NCOR1: variants seen among roughly 807,000 people sequenced by gnomAD.
NCOR1 encodes protein phosphatase 1, regulatory subunit 109.
NCOR1 carries 63 observed loss-of-function variants against 288.1 expected under a neutral mutation model. The ratio of observed to expected loss-of-function variants is 0.22; its 90% confidence interval spans 0.18 to 0.27. The LOEUF is 0.27. Ranked by LOEUF, NCOR1 falls within the 10% of genes least tolerant of loss-of-function variation. The pLI is 1.00. For missense variants in NCOR1, 2,397 were observed against 3,019.2 expected (o/e 0.79, Z 4.83); for synonymous variants, 1,007 against 1,065.9 (o/e 0.94, Z 1.08).
Position 16,034,767 on chromosome 17 carries a change from G to C in NCOR1, c.7133C>G (p.Thr2378Arg). 6.2e-7 allele frequency: 1 copy of C among 1,611,218 alleles called. No homozygotes were observed. Among genetic ancestry groups the C allele is most frequent in the Non-Finnish European group, 8.5e-7 (1 of 1,178,652 alleles). The stretch of plus-strand genomic sequence containing the variant: ...CTAAGTTAAAGCAGAATCCTTACCT[G>C]TTGAAGAGGGCCTGTCTTCCCAGGC... ...GWAWEDRPSS[T>R]GSTQFPYNPL... The change falls in exon 45 of 46, where the codon ACA (threonine) becomes AGA (arginine). Residue 2378 changes from threonine to arginine, a missense_variant and splice_region_variant. Around this residue, in one of 11 missense-constraint regions of NCOR1, gnomAD observed 1,872 missense variants for 2,187.8 expected, o/e 0.86. Coordinates refer to ENST00000268712, the MANE Select transcript of NCOR1 (RefSeq NM_006311.4).
chr17:16,185,915 C>A lies in NCOR1; in HGVS notation c.242+639G>T, dbSNP rs556101469. ...TCATGCCACTGCACTCCAGCCTGGG[C>A]AACAGAGCTAGAAAGATCCTGTCTC... On this transcript the variant is annotated intron_variant, in intron 3 of 45. Coordinates refer to ENST00000268712, the MANE Select transcript of NCOR1 (RefSeq NM_006311.4). Among the ~76,000 whole-genome samples the A allele has an allele frequency of 2.6e-5, 4 of 151,748 alleles. No homozygotes were observed. In the South Asian group the frequency reaches 8.3e-4, roughly 32 times the overall value.
chr17:16,125,302 GCAGTGAGCCAAGATTGCGC>G (rs1408778255), intron 15 of NCOR1, among the ~76,000 whole-genome samples: 1 of 152,180 alleles, frequency 6.6e-6, no homozygotes, highest in Admixed American at 6.5e-5. Context: ...GGCAGAGGTT[GCAGTGAGCCAAGATTGCGC>G]CACTGCACTC....
intron 42 of NCOR1, among the ~76,000 whole-genome samples, chr17:16,041,762 A>C (rs1344794915): frequency 7.0e-6 from 1 of 143,686 alleles, no homozygotes; most frequent in Admixed American, 7.1e-5. Context: ...TTTAAGACGG[A>C]GTCTCACTCT....
chr17:16,101,727 G>A lies in NCOR1; in HGVS notation c.2213C>T (p.Pro738Leu). 6.2e-7 allele frequency: 1 copy of A among 1,614,202 alleles called. No individual in the cohort carries two copies. Among genetic ancestry groups the A allele is most frequent in the Non-Finnish European group, 8.5e-7 (1 of 1,180,052 alleles). Reference sequence around the variant, plus strand: ...GTTTCCTCGAGAAGTAGCATTTTCAGGACTGTCCTCGCTGGGCTTGACAGC... The same window carrying A: ...GTTTCCTCGAGAAGTAGCATTTTCAAGACTGTCCTCGCTGGGCTTGACAGC... The part of the protein sequence containing the change: ...VEAVKPSEDS[P>L]ENATSRGNTE... Residue 738 changes from proline (P) to leucine (L), a missense_variant, in exon 20 of 46, where the codon CCT (proline) becomes CTT (leucine). Physicochemically the swap from Pro to Leu is moderately conservative, Grantham distance 98 (BLOSUM62 -3). Around this residue, in one of 11 missense-constraint regions of NCOR1, gnomAD observed 1,872 missense variants for 2,187.8 expected, o/e 0.86. Transcript: ENST00000268712.
intron 12 of NCOR1, 54 bp downstream of exon 12, chr17:16,138,954 T>G (rs995767904): frequency 6.7e-5 from 89 of 1,322,240 alleles, no homozygotes; most frequent in Non-Finnish European, 8.5e-5. Context: ...TGCCAAATAC[T>G]TTTTACTAAC....
At chr17:16,033,801 T>G (rs1973148184) in intron 45 of NCOR1, among the ~76,000 whole-genome samples, 1 of 152,140 alleles carries the variant, frequency 6.6e-6, no homozygotes, top group South Asian at 2.1e-4. Flanking sequence ...TACAGACAGA[T>G]GATGGCTTTT....
chr17:16,203,494 T>C (rs1160433986), intron 1 of NCOR1, among the ~76,000 whole-genome samples: 2 of 152,174 alleles, frequency 1.3e-5, no homozygotes, highest in Non-Finnish European at 2.9e-5. Flanking sequence ...AGTTCAAATG[T>C]CATCTCAGAA....
rs59808031 is a variant in NCOR1, at chr17:16,183,932, A to C, written c.242+2622T>G. Among the ~76,000 whole-genome samples, 1,091 of 152,252 alleles carry C rather than the reference A, an allele frequency of 7.2e-3. 13 individuals are homozygous for C. The highest frequency in any genetic ancestry group is 0.025 in the African/African-American group (1,050 of 41,536). ...AATAGAAAGCCCAGAAATAAATCTA[A>C]ACATATGGCCGCCTAACTTTTGACA... On this transcript the variant is annotated intron_variant, in intron 3 of 45. Transcript: ENST00000268712.
At chr17:16,143,734 C>A (rs762330489) in intron 10 of NCOR1, 38 bp from the exon 11 acceptor site, 1 of 1,440,366 alleles carries the variant, frequency 6.9e-7, no homozygotes, top group Non-Finnish European at 9.6e-7. Context: ...TATTTAAAGA[C>A]CTTATATAAA....
Position 16,062,261 on chromosome 17 carries a change from T to C in NCOR1, c.5231A>G (p.Gln1744Arg), listed in dbSNP as rs1567778463. Residue 1744 changes from glutamine (Q) to arginine (R), a missense_variant, in exon 36 of 46, where the codon CAG (glutamine) becomes CGG (arginine). By Grantham distance (43) the Gln-to-Arg change is conservative. This residue lies in a region of NCOR1 where 1,872 missense variants were observed against 2,187.8 expected (regional missense o/e 0.86). Transcript: ENST00000268712. The part of the protein sequence containing the change: ...SDLYLRPGSE[Q>R]PGRPGSHGYV... Reference sequence around the variant, plus strand: ...TCCATGACTGCCAGGTCGGCCAGGCTGTTCTGAGCCTGCAGAGGTGAAAAA... The same window carrying C: ...TCCATGACTGCCAGGTCGGCCAGGCCGTTCTGAGCCTGCAGAGGTGAAAAA... 1 of 1,602,818 alleles carries C rather than the reference T, an allele frequency of 6.2e-7. No individual in the cohort carries two copies. Among genetic ancestry groups the C allele is most frequent in the African/African-American group, 1.3e-5 (1 of 74,202 alleles).
chr17:16,159,100 A>G (rs1160270285), intron 5 of NCOR1, among the ~76,000 whole-genome samples: 1 of 152,136 alleles, frequency 6.6e-6, no homozygotes, highest in Non-Finnish European at 1.5e-5. Context: ...AAAAAAAACT[A>G]AGAGGAAGCA....
chr17:16,039,693 A>AGGCC, intron 43 of NCOR1, 39 bp from the exon 44 acceptor site: 1 of 1,550,890 alleles, frequency 6.4e-7, no homozygotes, highest in Non-Finnish European at 8.8e-7. Context: ...TATTTCTGAA[A>AGGCC]GGCCAATCAG....
intron 1 of NCOR1, among the ~76,000 whole-genome samples, chr17:16,202,649 A>C (rs549454693): frequency 6.6e-6 from 1 of 152,266 alleles, no homozygotes; most frequent in East Asian, 1.9e-4. Context: ...AGCTCACCTA[A>C]AAGTCTGGTT....
At chr17:16,065,347 A>T in intron 33 of NCOR1, 138 bp downstream of exon 33, 1 of 1,015,712 alleles carries the variant, frequency 9.8e-7, no homozygotes, top group Non-Finnish European at 1.4e-6. Flanking sequence ...CTGGGCTAAA[A>T]AGTCTACGGG....
intron 26 of NCOR1, among the ~76,000 whole-genome samples, chr17:16,077,071 T>C (rs2062571623): frequency 6.6e-6 from 1 of 152,038 alleles, no homozygotes. Flanking sequence ...CTCGACAACT[T>C]TATGCAGGGA....
At chr17:16,164,060 T>C (rs1441455614) in intron 5 of NCOR1, among the ~76,000 whole-genome samples, 7 of 151,922 alleles carry the variant, frequency 4.6e-5, no homozygotes. Context: ...GTTCTAGAAT[T>C]AGAGAGTGGT....
intron 19 of NCOR1, chr17:16,108,240 G>T (rs374825028): frequency 3.1e-5 from 10 of 324,138 alleles, no homozygotes; most frequent in South Asian, 5.6e-5. Context: ...AATAAATTAG[G>T]TATCTTTTTT....
rs892720559 is a variant in NCOR1 at position 16,053,322 on chromosome 17, C to T, written c.6392+4192G>A. Among the ~76,000 whole-genome samples the T allele has an allele frequency of 1.3e-4, 20 of 152,292 alleles. No homozygotes were observed. The East Asian group carries it at 3.9e-3, about 29-fold the overall frequency. On this transcript the variant is annotated intron_variant, in intron 40 of 45. Transcript: ENST00000268712. ...AGTCTCAGCCCCAAAGGTCCTTAAGCTGATGAAACAACTTCAGCAAAGTCT... is the reference window on the plus strand; with the variant it reads ...AGTCTCAGCCCCAAAGGTCCTTAAGTTGATGAAACAACTTCAGCAAAGTCT...
Position 16,146,516 on chromosome 17 carries a change from G to A in NCOR1, c.942C>T (p.Leu314=), listed in dbSNP as rs2078017881. The A allele has an allele frequency of 1.9e-6, 3 of 1,605,808 alleles. No homozygotes were observed. The highest frequency in any genetic ancestry group is 2.5e-6 in the Non-Finnish European group (3 of 1,177,796). ...CCACTTTTTTCTCCCATGCCTCCAT[G>A]AGCTGATCATAACGCTGGCAGATTT... ...EQKICQRYDQ[L]MEAWEKKVDR... is the part of the protein sequence containing the mutation. Residue 314 remains leucine, a synonymous_variant, in exon 10 of 46, where the codon CTC becomes CTT. Transcript: ENST00000268712.
Sources: allele counts gnomAD v4.1 joint callset (sites outside exome capture counted in the v4.1 genomes callset), GRCh38; gene constraint gnomAD v4.1.1; regional missense constraint gnomAD v4.1.1; transcripts MANE v1.5; gene names NCBI Gene and HGNC (gene_info 2026-07-23, HGNC 2026-07-21).